ZDHHC3: variants seen among roughly 807,000 people sequenced by gnomAD.
ZDHHC3 encodes the protein zDHHC palmitoyltransferase 3.
Under a neutral mutation model 30.6 loss-of-function variants are expected in ZDHHC3, and 9 were observed. The observed-to-expected ratio is 0.29, with a 90% CI of 0.18 to 0.51. ZDHHC3 has a LOEUF of 0.51. ZDHHC3 is among the 20% of genes least tolerant of loss of function. The pLI, the probability that ZDHHC3 is intolerant of heterozygous loss-of-function variation, is 0.97. For missense variants in ZDHHC3, 246 were observed against 384.2 expected (o/e 0.64, Z 3.01); for synonymous variants, 136 against 140.2 (o/e 0.97, Z 0.21).
intron 2 of ZDHHC3, among the ~76,000 whole-genome samples, chr3:44,948,460 A>C (rs1468711265): frequency 6.6e-6 from 1 of 152,178 alleles, no homozygotes; most frequent in African/African-American, 2.4e-5. Flanking sequence ...GAGACAAGTC[A>C]ACCAACAACT....
Position 44,925,609 on chromosome 3 carries a change from G to A in ZDHHC3, c.*1080C>T. The A allele has an allele frequency of 1.0e-6, 1 of 985,482 alleles. No individual in the cohort carries two copies. Among genetic ancestry groups the A allele is most frequent in the Non-Finnish European group, 1.2e-6 (1 of 829,954 alleles). The allele number at this position is 985,482 out of a possible 1,614,324, so 61.0% of individuals were successfully genotyped here. ...ATGGCCATATGTCAACTTTGAAAGG[G>A]TGGGGACTGTGAGGTAACCCCAGCA... On this transcript the variant is annotated 3_prime_UTR_variant, in exon 7 of 7. Coordinates refer to ENST00000424952, the MANE Select transcript of ZDHHC3 (RefSeq NM_001135179.2).
Position 44,976,137 on chromosome 3 carries a change from C to A in ZDHHC3, c.-229G>T. 1 of 600,750 alleles carries A rather than the reference C, an allele frequency of 1.7e-6. No individual in the cohort carries two copies. 37.2% of individuals were successfully genotyped at this position (600,750 alleles called of 1,614,324 possible). On this transcript the variant is annotated 5_prime_UTR_variant, in exon 1 of 7. Transcript: ENST00000424952. ...GCCCATCGAGCTCTCCCGGCAGTGG[C>A]GGCGGCCGCGGCTGCAGGAGCGGCC...
chr3:44,943,523 G>A (rs941965883), intron 3 of ZDHHC3, among the ~76,000 whole-genome samples: 1 of 152,148 alleles, frequency 6.6e-6, no homozygotes, highest in Non-Finnish European at 1.5e-5. Context: ...AAGACAGGCA[G>A]CAAGGCCAGG....
In ZDHHC3 at chr3:44,926,345, G is replaced by A. The variant is rs925090338; in HGVS notation, c.*344C>T. ...CCAGACTATTCCATCCACGCACAGC[G>A]TCATGTCTCACTCAGTTAGTAGAAT... On this transcript the variant is annotated 3_prime_UTR_variant, in exon 7 of 7. Transcript: ENST00000424952. The A allele has an allele frequency of 9.8e-6, 10 of 1,016,278 alleles. No individual in the cohort carries two copies. Among genetic ancestry groups the A allele is most frequent in the African/African-American group, 8.6e-5 (5 of 58,378 alleles). 63.0% of individuals were successfully genotyped at this position (1,016,278 alleles called of 1,614,324 possible).
intron 5 of ZDHHC3, among the ~76,000 whole-genome samples, chr3:44,930,024 C>T (rs1274325840): frequency 3.3e-5 from 5 of 152,208 alleles, no homozygotes; most frequent in Non-Finnish European, 7.3e-5. Flanking sequence ...GCACTGCCCC[C>T]GCTCCCAGGG....
chr3:44,970,635 C>T (rs1055602252), intron 1 of ZDHHC3, among the ~76,000 whole-genome samples: 2 of 152,186 alleles, frequency 1.3e-5, no homozygotes, highest in Non-Finnish European at 2.9e-5. Flanking sequence ...TACCTCTTTT[C>T]CCGATTTGCT....
chr3:44,926,230 T>A lies in ZDHHC3; in HGVS notation c.*459A>T. 1 of 986,338 alleles carries A rather than the reference T, an allele frequency of 1.0e-6. No individual in the cohort carries two copies. The highest frequency in any genetic ancestry group is 1.2e-6 in the Non-Finnish European group (1 of 830,568). 61.1% of individuals were successfully genotyped at this position (986,338 alleles called of 1,614,324 possible). A position where few individuals can be genotyped will look rare whatever the true frequency, so the allele number is the denominator to read the frequency against. ...GGTAAGCATCCATCTTCGGTGAGGT[T>A]TTATGTCCCATCGGGGAGCCCGCCA... On this transcript the variant is annotated 3_prime_UTR_variant, in exon 7 of 7. Transcript: ENST00000424952.
At chr3:44,949,419 T>A (rs769854796) in intron 2 of ZDHHC3, among the ~76,000 whole-genome samples, 8 of 151,772 alleles carry the variant, frequency 5.3e-5, no homozygotes, top group Non-Finnish European at 1.0e-4. Flanking sequence ...AGGCCAAGAG[T>A]TTGAGAGCAG....
At chr3:44,931,338 G>T (rs575644782) in intron 5 of ZDHHC3, among the ~76,000 whole-genome samples, 5 of 152,292 alleles carry the variant, frequency 3.3e-5, no homozygotes, top group African/African-American at 1.2e-4. Context: ...CCAGGGCCAT[G>T]GCCTATTCTC....
At chr3:44,971,061 T>C (rs940368481) in intron 1 of ZDHHC3, among the ~76,000 whole-genome samples, 1 of 152,230 alleles carries the variant, frequency 6.6e-6, no homozygotes, top group Non-Finnish European at 1.5e-5. Flanking sequence ...AACCTGTCTT[T>C]CTAGATTCTC....
intron 2 of ZDHHC3, among the ~76,000 whole-genome samples, chr3:44,955,654 T>TA (rs1394693864): frequency 1.3e-5 from 2 of 152,042 alleles, no homozygotes; most frequent in African/African-American, 4.8e-5. Context: ...GACCACTTTC[T>TA]AAAAAAAGAC....
chr3:44,975,722 C>T (rs1246425073), intron 1 of ZDHHC3, among the ~76,000 whole-genome samples: 2 of 151,670 alleles, frequency 1.3e-5, no homozygotes, highest in East Asian at 2.0e-4. Context: ...GGGCCAATCA[C>T]GACGTCCGCC....
At chr3:44,956,747 C>T (rs140133968) in intron 2 of ZDHHC3, among the ~76,000 whole-genome samples, 2 of 152,282 alleles carry the variant, frequency 1.3e-5, no homozygotes, top group African/African-American at 4.8e-5. Context: ...TTGCCCGGAC[C>T]ACTGCAATAC....
intron 2 of ZDHHC3, among the ~76,000 whole-genome samples, chr3:44,947,853 T>TAA (rs1703085823): frequency 6.6e-6 from 1 of 151,976 alleles, no homozygotes; most frequent in Non-Finnish European, 1.5e-5. Context: ...AAGTGAAAGG[T>TAA]AAAAGATCCA....
At chr3:44,969,892 T>C (rs1199812551) in intron 1 of ZDHHC3, 5 of 152,176 alleles carry the variant, frequency 3.3e-5, no homozygotes, top group African/African-American at 9.7e-5. Flanking sequence ...ATGCTGCTTT[T>C]TGTGAGAAAA....
chr3:44,920,583 C>T lies in ZDHHC3; in HGVS notation c.*6106G>A. 2 of 985,338 alleles carry T rather than the reference C, an allele frequency of 2.0e-6. No homozygotes were observed. Among genetic ancestry groups the T allele is most frequent in the Non-Finnish European group, 2.4e-6 (2 of 829,884 alleles). 61.0% of individuals were successfully genotyped at this position (985,338 alleles called of 1,614,324 possible). On this transcript the variant is annotated 3_prime_UTR_variant, in exon 7 of 7. Transcript: ENST00000424952. ...ATGACGGTGGCCAAGGCTCATCTAG[C>T]TTGTTATGTATCAGAACTGGAACCA...
At chr3:44,943,908 A>C (rs1702666664) in intron 3 of ZDHHC3, among the ~76,000 whole-genome samples, 2 of 152,104 alleles carry the variant, frequency 1.3e-5, no homozygotes, top group Non-Finnish European at 2.9e-5. Flanking sequence ...GGATTGCTTG[A>C]GCCTGGGAGT....
intron 1 of ZDHHC3, among the ~76,000 whole-genome samples, chr3:44,974,050 C>T (rs543235543): frequency 5.3e-4 from 80 of 152,282 alleles, no homozygotes; most frequent in African/African-American, 1.8e-3. Context: ...GTCCAATGCA[C>T]TATTACAGCA....
intron 3 of ZDHHC3, among the ~76,000 whole-genome samples, chr3:44,940,896 A>G (rs1575833206): frequency 6.6e-6 from 1 of 152,320 alleles, no homozygotes; most frequent in Admixed American, 6.5e-5. Context: ...ATGGAAACAT[A>G]GCCACATTCC....
Sources: allele counts gnomAD v4.1 joint callset (sites outside exome capture counted in the v4.1 genomes callset), GRCh38; gene constraint gnomAD v4.1.1; transcripts MANE v1.5; gene names NCBI Gene and HGNC (gene_info 2026-07-23, HGNC 2026-07-21).